The following LIPC variants were observed in gnomAD, a reference collection of about 807,000 sequenced individuals.
LIPC encodes hepatic triacylglycerol lipase.
A neutral mutation model predicts 50.7 loss-of-function variants in LIPC; 44 were observed. The observed-to-expected ratio is 0.87, with a 90% CI of 0.68 to 1.11. The LOEUF (loss-of-function observed/expected upper bound fraction) is 1.11, where lower values mean the gene tolerates loss of function less well. LIPC is among the 50% of genes most tolerant of loss of function. The probability of loss-of-function intolerance (pLI) is 0.00; values close to 1 mark genes in which losing one functional copy is unlikely to be tolerated. For missense variants in LIPC, 697 were observed against 648.2 expected (o/e 1.08, Z -0.82); for synonymous variants, 271 against 256.4 (o/e 1.06, Z -0.54).
chr15:58,485,595 C>T (rs2140787762), intron 1 of LIPC, among the ~76,000 whole-genome samples: 1 of 152,322 alleles, frequency 6.6e-6, no homozygotes, highest in East Asian at 1.9e-4. Flanking sequence ...AAAGTCTCTC[C>T]CTCCATACAC....
intron 1 of LIPC, among the ~76,000 whole-genome samples, chr15:58,452,271 C>A (rs1406945179): frequency 3.3e-5 from 5 of 152,222 alleles, no homozygotes; most frequent in Non-Finnish European, 7.3e-5. Context: ...GCCCGGCAGT[C>A]TGGGTTTTAA....
chr15:58,497,265 C>G (rs1357271048), intron 1 of LIPC, among the ~76,000 whole-genome samples: 1 of 152,190 alleles, frequency 6.6e-6, no homozygotes, highest in African/African-American at 2.4e-5. Flanking sequence ...TCAGAGCAAG[C>G]TGGCAGGTGA....
At chr15:58,464,688 G>A (rs114473789) in intron 1 of LIPC, among the ~76,000 whole-genome samples, 29 of 152,246 alleles carry the variant, frequency 1.9e-4, no homozygotes, top group African/African-American at 6.7e-4. Flanking sequence ...AAACACACAG[G>A]GTGGCCAGGC....
At chr15:58,472,291 A>G (rs892827904) in intron 1 of LIPC, among the ~76,000 whole-genome samples, 8 of 147,396 alleles carry the variant, frequency 5.4e-5, no homozygotes, top group Admixed American at 2.0e-4. Flanking sequence ...AAAAAAAAAA[A>G]AAGAAATCTT....
chr15:58,567,207 AAT>A (rs1253715676), intron 8 of LIPC, among the ~76,000 whole-genome samples: 1,317 of 118,300 alleles, frequency 0.011, 85 homozygotes, highest in African/African-American at 0.037. Context: ...TCTCAAAAAA[AAT>A]AAAAAATATA....
chr15:58,563,354 A>T (rs1894233547), intron 7 of LIPC, 151 bp from the exon 8 acceptor site: 1 of 705,506 alleles, frequency 1.4e-6, no homozygotes, highest in Non-Finnish European at 2.5e-6. Flanking sequence ...CCTACTGCTA[A>T]CTCTATCAAT....
Position 58,548,319 on chromosome 15 carries a change from C to A in LIPC, c.809-11C>A. 1 of 1,613,994 alleles carries A rather than the reference C, an allele frequency of 6.2e-7. No individual in the cohort carries two copies. The highest frequency in any genetic ancestry group is 8.5e-7 in the Non-Finnish European group (1 of 1,180,020). Reference sequence around the variant, plus strand: ...AAGGGGTGATAACGTCCTTCTTGCCCTGTGTTCCAGCCATCACCCAGACCA... The same window carrying A: ...AAGGGGTGATAACGTCCTTCTTGCCATGTGTTCCAGCCATCACCCAGACCA... On this transcript the variant is annotated splice_polypyrimidine_tract_variant and intron_variant, in intron 5 of 8. Coordinates refer to ENST00000299022, the MANE Select transcript of LIPC (RefSeq NM_000236.3).
chr15:58,537,766 C>A (rs1228656827), intron 1 of LIPC, among the ~76,000 whole-genome samples: 1 of 152,154 alleles, frequency 6.6e-6, no homozygotes, highest in Admixed American at 6.5e-5. Flanking sequence ...ATCCACTACT[C>A]CCTCTGTGAT....
At chr15:58,472,340 C>T (rs537058744) in intron 1 of LIPC, among the ~76,000 whole-genome samples, 24 of 150,586 alleles carry the variant, frequency 1.6e-4, no homozygotes, top group African/African-American at 5.1e-4. Context: ...TTTGGGAGGC[C>T]GAGGGAGGTG....
chr15:58,499,613 A>G (rs1408101325), intron 1 of LIPC, among the ~76,000 whole-genome samples: 3 of 148,998 alleles, frequency 2.0e-5, no homozygotes, highest in Non-Finnish European at 4.5e-5. Flanking sequence ...CAGTGGATCA[A>G]CTCTTCCGCT....
intron 1 of LIPC, among the ~76,000 whole-genome samples, chr15:58,453,536 G>A (rs1443776732): frequency 3.3e-5 from 5 of 152,162 alleles, no homozygotes; most frequent in Non-Finnish European, 7.4e-5. Flanking sequence ...GATGGGAATA[G>A]AGACTGCTTC....
chr15:58,530,690 G>A (rs1159056132), intron 1 of LIPC, among the ~76,000 whole-genome samples: 2 of 152,178 alleles, frequency 1.3e-5, no homozygotes, highest in African/African-American at 4.8e-5. Context: ...CTGGACCCAG[G>A]AAATCACTGA....
intron 2 of LIPC, among the ~76,000 whole-genome samples, chr15:58,541,510 A>G (rs956992084): frequency 1.3e-5 from 2 of 152,106 alleles, no homozygotes; most frequent in Non-Finnish European, 2.9e-5. Context: ...GAACGTTTGG[A>G]AAAATCTGGA....
At chr15:58,503,481 G>T (rs1053252028) in intron 1 of LIPC, among the ~76,000 whole-genome samples, 3 of 152,174 alleles carry the variant, frequency 2.0e-5, no homozygotes, top group Non-Finnish European at 4.4e-5. Context: ...CAGGACTCTG[G>T]GAGATGAGGA....
intron 1 of LIPC, among the ~76,000 whole-genome samples, chr15:58,463,546 G>A (rs948780529): frequency 1.3e-5 from 2 of 152,110 alleles, no homozygotes; most frequent in African/African-American, 2.4e-5. Flanking sequence ...CCCCAAACTC[G>A]TCTATCCTAC....
intron 1 of LIPC, among the ~76,000 whole-genome samples, chr15:58,536,650 G>T (rs1167665069): frequency 6.6e-6 from 1 of 152,164 alleles, no homozygotes; most frequent in Non-Finnish European, 1.5e-5. Flanking sequence ...TTGGAAGCAG[G>T]CTTCCAGGAG....
intron 1 of LIPC, among the ~76,000 whole-genome samples, chr15:58,509,031 G>A (rs1433784852): frequency 6.6e-6 from 1 of 152,132 alleles, no homozygotes; most frequent in Admixed American, 6.6e-5. Flanking sequence ...ACTGCTAAAG[G>A]AATGAAGGAA....
chr15:58,432,476 G>A (rs1893156929), intron 1 of LIPC: 1 of 317,180 alleles, frequency 3.2e-6, no homozygotes, highest in African/African-American at 2.1e-5. Flanking sequence ...TGCAACCGGG[G>A]AGCCAGGCTT....
intron 1 of LIPC, among the ~76,000 whole-genome samples, chr15:58,519,053 T>G (rs7162855): frequency 0.15 from 22,715 of 152,066 alleles, 2,343 homozygotes; most frequent in African/African-American, 0.29. Context: ...TGTGAAAAGT[T>G]AATAAACTAC....
Sources: gnomAD v4.1 joint callset for allele counts (sites outside exome capture counted in the v4.1 genomes callset) on GRCh38, gnomAD v4.1.1 for gene constraint, MANE v1.5 for transcripts, NCBI Gene and HGNC (gene_info 2026-07-23, HGNC 2026-07-21) for gene names.